CFAP46: variants seen among roughly 807,000 people sequenced by gnomAD.
CFAP46 encodes the protein cilia- and flagella-associated protein 46.
CFAP46 carries 245 observed loss-of-function variants against 325.7 expected under a neutral mutation model. That is an observed-to-expected ratio of 0.75 (90% CI 0.68 to 0.84). CFAP46 has a LOEUF of 0.84. CFAP46 is among the 40% of genes least tolerant of loss of function. The pLI is 0.00. For missense variants in CFAP46, 3,346 were observed against 3,543.0 expected (o/e 0.94, Z 1.41); for synonymous variants, 1,523 against 1,495.9 (o/e 1.02, Z -0.42).
At chr10:132,893,984 TAA>T (rs1849289024) in intron 24 of CFAP46, among the ~76,000 whole-genome samples, 2 of 151,366 alleles carry the variant, frequency 1.3e-5, no homozygotes, top group African/African-American at 4.9e-5. Flanking sequence ...TCACTGCTGG[TAA>T]CACACTTTGA....
chr10:132,935,931 T>A (rs866845346), intron 7 of CFAP46, among the ~76,000 whole-genome samples: 2 of 111,600 alleles, frequency 1.8e-5, no homozygotes, highest in Non-Finnish European at 3.7e-5. Flanking sequence ...ATCTCCTCAC[T>A]CCCCTCGGCA....
intron 44 of CFAP46, among the ~76,000 whole-genome samples, chr10:132,838,136 G>A (rs1393940488): frequency 6.6e-6 from 1 of 152,218 alleles, no homozygotes; most frequent in Admixed American, 6.5e-5. Flanking sequence ...CGCTCCCGTG[G>A]ACTATGAGTC....
At position 132,920,109 on chromosome 10, in the gene CFAP46, G is replaced by C. The variant is rs1849699588; in HGVS notation, c.1680C>G (p.Asp560Glu). Residue 560 changes from aspartate to glutamate, a missense_variant, in exon 14 of 58, where the codon GAC becomes GAG. Physicochemically the swap from Asp to Glu is conservative, Grantham distance 45. Coordinates refer to ENST00000368586, the MANE Select transcript of CFAP46 (RefSeq NM_001200049.3). Reference protein sequence around the residue: ...AKAWHHTVSVDKAAGHLRRLG... With the variant: ...AKAWHHTVSVEKAAGHLRRLG... ...GGCGCCGCAGGTGCCCGGCAGCTTT[G>C]TCCACGCTGACGGTGTGGTGCCACG... The C allele has an allele frequency of 6.5e-7, 1 of 1,549,266 alleles. No individual in the cohort carries two copies. Among genetic ancestry groups the C allele is most frequent in the Admixed American group, 2.0e-5 (1 of 50,752 alleles).
rs1228592918 is a variant in CFAP46, at chr10:132,827,220, G to C, written c.7117+6138C>G. On this transcript the variant is annotated intron_variant, in intron 50 of 57. Transcript: ENST00000368586. This position sits in a 1 kb window ranked among gnomAD's most constrained non-coding sequence, Gnocchi z 5.7. ...ACACGGTGCTCGTCAGGGGAAGGCAGGAGGGCGGCCGGAGGGACCAGCCAC... is the reference window on the plus strand; with the variant it reads ...ACACGGTGCTCGTCAGGGGAAGGCACGAGGGCGGCCGGAGGGACCAGCCAC... Among the ~76,000 whole-genome samples, 3 of 152,118 alleles carry C rather than the reference G, an allele frequency of 2.0e-5. No individual in the cohort carries two copies. Among genetic ancestry groups the C allele is most frequent in the Non-Finnish European group, 4.4e-5 (3 of 68,022 alleles).
intron 50 of CFAP46, among the ~76,000 whole-genome samples, chr10:132,820,829 A>T (rs1335858619): frequency 6.9e-4 from 39 of 56,560 alleles, no homozygotes; most frequent in Admixed American, 1.5e-3. Context: ...ATGTGTGCTG[A>T]GTGCTGATGT....
intron 10 of CFAP46, among the ~76,000 whole-genome samples, chr10:132,926,091 G>A (rs995330944): frequency 3.3e-5 from 5 of 152,234 alleles, no homozygotes; most frequent in South Asian, 2.1e-4. Context: ...AGAGCCTGTC[G>A]TCTCAGACAG....
chr10:132,902,017 T>C (rs1292600054), intron 22 of CFAP46, among the ~76,000 whole-genome samples: 7 of 152,218 alleles, frequency 4.6e-5, no homozygotes, highest in Non-Finnish European at 8.8e-5. Flanking sequence ...CAGGATCTGC[T>C]CCCGGTCTTT....
intron 50 of CFAP46, among the ~76,000 whole-genome samples, chr10:132,825,109 T>A (rs1342124957): frequency 6.9e-6 from 1 of 144,078 alleles, no homozygotes; most frequent in Admixed American, 6.9e-5. Flanking sequence ...TGCTGATGTG[T>A]GCTGATGTGT....
chr10:132,862,773 G>A lies in CFAP46; in HGVS notation c.4891-1791C>T, dbSNP rs563280471. Among the ~76,000 whole-genome samples the A allele has an allele frequency of 4.0e-5, 6 of 151,488 alleles. No individual in the cohort carries two copies. The South Asian group carries it at 1.0e-3, about 26-fold the overall frequency. ...AAGGGCAGAGCGCACTCCCATCGCC[G>A]GCCTCGGGGAGCAGGTTCAGGAGAG... On this transcript the variant is annotated intron_variant, in intron 35 of 57. Transcript: ENST00000368586.
intron 44 of CFAP46, 83 bp from the exon 45 acceptor site, chr10:132,836,997 CTCGTGGCAGA>C (rs1848261671): frequency 9.0e-7 from 1 of 1,105,600 alleles, no homozygotes; most frequent in Non-Finnish European, 1.4e-6. Context: ...TCCAGGAGAC[CTCGTGGCAGA>C]GCCACGGCGG....
At chr10:132,868,895 G>A (rs1162241260) in intron 33 of CFAP46, among the ~76,000 whole-genome samples, 2 of 152,264 alleles carry the variant, frequency 1.3e-5, no homozygotes, top group African/African-American at 4.8e-5. Flanking sequence ...AACTTCAACA[G>A]CTCTGAAGTG....
At chr10:132,813,881 T>G (rs1847635847) in intron 54 of CFAP46, among the ~76,000 whole-genome samples, 1 of 152,196 alleles carries the variant, frequency 6.6e-6, no homozygotes, top group African/African-American at 2.4e-5. Context: ...GGGGCTGCAG[T>G]GCTGCTGGTG....
At chr10:132,854,075 A>G (rs1848602881) in intron 39 of CFAP46, among the ~76,000 whole-genome samples, 1 of 151,704 alleles carries the variant, frequency 6.6e-6, no homozygotes, top group South Asian at 2.1e-4. Context: ...TGCTCTTTTT[A>G]TAGTTTTGTA....
Position 132,899,137 on chromosome 10 carries a change from T to A in CFAP46, c.3057-16A>T, listed in dbSNP as rs1339350158. ...GCCTCCGAACCTAAAAGAGGGCAGGTCATGACGCGGTGGCTCCACCTGGGC... is the reference window on the plus strand; with the variant it reads ...GCCTCCGAACCTAAAAGAGGGCAGGACATGACGCGGTGGCTCCACCTGGGC... On this transcript the variant is annotated splice_polypyrimidine_tract_variant and intron_variant, in intron 23 of 57. Transcript: ENST00000368586. 1.3e-6 allele frequency: 2 copies of A among 1,540,446 alleles called. No homozygotes were observed. Among genetic ancestry groups the A allele is most frequent in the Admixed American group, 4.0e-5 (2 of 50,530 alleles).
intron 31 of CFAP46, among the ~76,000 whole-genome samples, chr10:132,875,659 G>A (rs1000539331): frequency 3.3e-5 from 5 of 152,106 alleles, no homozygotes; most frequent in African/African-American, 9.7e-5. Flanking sequence ...CAGAACAATG[G>A]GACACCCTGA....
intron 50 of CFAP46, among the ~76,000 whole-genome samples, chr10:132,823,199 CTGTG>C (rs1274483499): frequency 5.6e-5 from 6 of 106,596 alleles, no homozygotes; most frequent in Non-Finnish European, 5.4e-5. Context: ...CTGATGTGTG[CTGTG>C]TGTGTGCTGA....
At position 132,866,038 on chromosome 10, in the gene CFAP46, T is replaced by C. The variant is rs777918234; in HGVS notation, c.4877A>G (p.Tyr1626Cys). 4 of 1,513,686 alleles carry C rather than the reference T, an allele frequency of 2.6e-6. No individual in the cohort carries two copies. Among genetic ancestry groups the C allele is most frequent in the Non-Finnish European group, 3.5e-6 (4 of 1,127,986 alleles). 93.8% of individuals were successfully genotyped at this position (1,513,686 alleles called of 1,614,324 possible). The change falls in exon 35 of 58, where the codon TAC (tyrosine) becomes TGC (cysteine). Residue 1626 changes from tyrosine to cysteine, a missense_variant. Tyr to Cys is a radical substitution (Grantham distance 194, BLOSUM62 -2). Transcript: ENST00000368586. ...QPARLLLSEA[Y>C]LAFQELDEPC... ...GGGGCTCCTCACCTGGAAAGCCAGG[T>C]AAGCCTCCGACAGGAGCAGCCGTGC...
intron 50 of CFAP46, among the ~76,000 whole-genome samples, chr10:132,816,193 G>A (rs898976660): frequency 2.6e-5 from 4 of 151,684 alleles, no homozygotes; most frequent in African/African-American, 4.8e-5. Flanking sequence ...CTGCTGGTGC[G>A]TCGTTAGCGC....
rs1850091001 is a variant in CFAP46, at chr10:132,941,064, A to G, written c.307-4T>C. The G allele has an allele frequency of 3.7e-6, 6 of 1,614,062 alleles. No individual in the cohort carries two copies. In the South Asian group the frequency reaches 6.6e-5, roughly 18 times the overall value. ...TCACGCAATTTTCAAATTCCTCCTA[A>G]GGCAACATAAAGAAGCACAATTAGA... On this transcript the variant is annotated splice_region_variant and splice_polypyrimidine_tract_variant and intron_variant, in intron 3 of 57. Transcript: ENST00000368586.
Sources: gnomAD v4.1 joint callset for allele counts (sites outside exome capture counted in the v4.1 genomes callset) on GRCh38, gnomAD v4.1.1 for gene constraint, Gnocchi (gnomAD v3.1) non-coding constraint, MANE v1.5 for transcripts, NCBI Gene and HGNC (gene_info 2026-07-23, HGNC 2026-07-21) for gene names.